STK24: variants seen among roughly 807,000 people sequenced by gnomAD.
STK24 encodes serine/threonine kinase 24, also known as serine/threonine-protein kinase 24.
Under a neutral mutation model 55.6 loss-of-function variants are expected in STK24, and 21 were observed. The ratio of observed to expected loss-of-function variants is 0.38; its 90% CI spans 0.27 to 0.54. The LOEUF is 0.54. STK24 is among the 20% of genes least tolerant of loss of function. The pLI, the probability that STK24 is intolerant of heterozygous loss-of-function variation, is 0.79. For missense variants in STK24, 383 were observed against 538.4 expected, an observed-to-expected ratio of 0.71 and a Z score of 2.86; for synonymous variants, 200 against 215.2, an observed-to-expected ratio of 0.93 and a Z score of 0.62.
chr13:98,536,165 G>T (rs1896730490), intron 1 of STK24, among the ~76,000 whole-genome samples: 1 of 152,130 alleles, frequency 6.6e-6, no homozygotes, highest in Admixed American at 6.5e-5. Context: ...AAATGTCACT[G>T]AGTGTTCTTT....
chr13:98,551,210 C>T (rs138710142), intron 1 of STK24, among the ~76,000 whole-genome samples: 1,578 of 151,314 alleles, frequency 0.01, 27 homozygotes, highest in African/African-American at 0.035. Flanking sequence ...GGCGTGAACC[C>T]GGGAGGCGGA....
At chr13:98,484,190 C>T (rs1407499179) in intron 2 of STK24, among the ~76,000 whole-genome samples, 1 of 152,176 alleles carries the variant, frequency 6.6e-6, no homozygotes, top group Non-Finnish European at 1.5e-5. Flanking sequence ...CACACACGCT[C>T]GCCTGCAGGC....
intron 2 of STK24, among the ~76,000 whole-genome samples, chr13:98,497,119 G>A (rs1594612377): frequency 2.0e-5 from 3 of 152,194 alleles, no homozygotes; most frequent in Non-Finnish European, 2.9e-5. Flanking sequence ...CCCACTCTTC[G>A]GCACACCTCT....
rs1297603474 is a variant in STK24 at position 98,452,921 on chromosome 13, A to T, written c.*252T>A. On this transcript the variant is annotated 3_prime_UTR_variant, in exon 11 of 11. Coordinates refer to ENST00000539966, the MANE Select transcript of STK24 (RefSeq NM_001032296.4). The stretch of plus-strand genomic sequence containing the variant: ...GAATATGTGCACTATGGTTAAAATT[A>T]AAAACAAAAGTAATAAAATAAAATA... The T allele has an allele frequency of 2.4e-6, 1 of 415,548 alleles. No individual in the cohort carries two copies. The highest frequency in any genetic ancestry group is 4.2e-6 in the Non-Finnish European group (1 of 235,358). 25.7% of individuals were successfully genotyped at this position (415,548 alleles called of 1,614,324 possible).
intron 5 of STK24, among the ~76,000 whole-genome samples, chr13:98,468,969 A>G (rs1894031830): frequency 6.6e-6 from 1 of 152,134 alleles, no homozygotes; most frequent in Non-Finnish European, 1.5e-5. Flanking sequence ...AACCAGCTAA[A>G]CACACTCGGT....
rs968724553 is a variant in STK24, at chr13:98,452,937, A to C, written c.*236T>G. 2 of 432,064 alleles carry C rather than the reference A, an allele frequency of 4.6e-6. No individual in the cohort carries two copies. The highest frequency in any genetic ancestry group is 8.2e-6 in the Non-Finnish European group (2 of 245,058). 26.8% of individuals were successfully genotyped at this position (432,064 alleles called of 1,614,324 possible). A position where few individuals can be genotyped will look rare whatever the true frequency, so the allele number is the denominator to read the frequency against. ...GTTAAAATTAAAAACAAAAGTAATA[A>C]AATAAAATAAAATGATCGCTGGAAG... On this transcript the variant is annotated 3_prime_UTR_variant, in exon 11 of 11. Coordinates refer to ENST00000539966, the MANE Select transcript of STK24 (RefSeq NM_001032296.4).
chr13:98,513,801 G>A lies in STK24; in HGVS notation c.273+5442C>T, dbSNP rs566088151. 7.9e-5 allele frequency among the ~76,000 whole-genome samples: 12 copies of A among 152,310 alleles called. No individual in the cohort carries two copies. In the East Asian group the frequency reaches 2.3e-3, roughly 29 times the overall value. On this transcript the variant is annotated intron_variant, in intron 2 of 10. Coordinates refer to ENST00000539966, the MANE Select transcript of STK24 (RefSeq NM_001032296.4). Reference sequence around the variant, plus strand: ...AAGGAGCAAAGACATGAATGAGAAAGACACTGTGTGCTTTGATGAGAATTT... The same window carrying A: ...AAGGAGCAAAGACATGAATGAGAAAAACACTGTGTGCTTTGATGAGAATTT...
intron 2 of STK24, among the ~76,000 whole-genome samples, chr13:98,482,705 C>G (rs1360435334): frequency 1.3e-5 from 2 of 152,238 alleles, no homozygotes; most frequent in Non-Finnish European, 2.9e-5. Flanking sequence ...TGGTGTCACA[C>G]ACATCGGGAG....
chr13:98,547,150 G>A (rs1486403770), intron 1 of STK24, among the ~76,000 whole-genome samples: 1 of 152,122 alleles, frequency 6.6e-6, no homozygotes, highest in African/African-American at 2.4e-5. Flanking sequence ...CTGACCTCGT[G>A]ATCCACCCGC....
chr13:98,498,332 C>T (rs965583425), intron 2 of STK24, among the ~76,000 whole-genome samples: 2 of 152,226 alleles, frequency 1.3e-5, no homozygotes, highest in Non-Finnish European at 2.9e-5. Flanking sequence ...AATTCAAATG[C>T]TCAGCTCAAG....
At chr13:98,491,714 G>T (rs1225285867) in intron 2 of STK24, among the ~76,000 whole-genome samples, 15 of 146,672 alleles carry the variant, frequency 1.0e-4, no homozygotes, top group Non-Finnish European at 1.5e-5. Context: ...AAAATACTAA[G>T]TGTTCAATCC....
At chr13:98,469,544 CAAA>C (rs56157936) in intron 5 of STK24, among the ~76,000 whole-genome samples, 1 of 148,638 alleles carries the variant, frequency 6.7e-6, no homozygotes, top group Non-Finnish European at 1.5e-5. Flanking sequence ...TCCCCCCCCC[CAAA>C]AAAAAAAGGC....
In STK24 at chr13:98,529,845, G is replaced by T. The variant is rs560639744; in HGVS notation, c.43-10372C>A. ...TCCTAGGTCTAAGAAATGATGCTGG[G>T]AACTACAGAGGCAAGATCATGGCTA... On this transcript the variant is annotated intron_variant, in intron 1 of 10. Transcript: ENST00000539966. Among the ~76,000 whole-genome samples the T allele has an allele frequency of 7.9e-5, 12 of 152,200 alleles. No homozygotes were observed. The South Asian group carries it at 2.1e-3, about 26-fold the overall frequency.
chr13:98,459,869 G>T (rs1219514527), intron 9 of STK24, among the ~76,000 whole-genome samples: 1 of 152,214 alleles, frequency 6.6e-6, no homozygotes, highest in Non-Finnish European at 1.5e-5. Flanking sequence ...ACGGCCACGG[G>T]AGCACTTTCC....
chr13:98,460,328 T>C (rs1339778337), intron 9 of STK24, 44 bp downstream of exon 9: 2 of 1,554,162 alleles, frequency 1.3e-6, no homozygotes, highest in South Asian at 2.3e-5. Flanking sequence ...CAGCTTCTCC[T>C]TCCCCCTCCC....
rs572091622 is a variant in STK24 at position 98,450,852 on chromosome 13, A to G, written c.*2321T>C. On this transcript the variant is annotated 3_prime_UTR_variant, in exon 11 of 11. Coordinates refer to ENST00000539966, the MANE Select transcript of STK24 (RefSeq NM_001032296.4). ...CCTTGGCTAAGATGCCCTTAAAAAC[A>G]TTGGGGCTGATTTTGTGCGTCTACA... 1.3e-5 allele frequency: 2 copies of G among 152,248 alleles called. No individual in the cohort carries two copies. Among genetic ancestry groups the G allele is most frequent in the Non-Finnish European group, 2.9e-5 (2 of 68,054 alleles). The allele number at this position is 152,248 out of a possible 1,614,324, so 9.4% of individuals were successfully genotyped here.
At chr13:98,513,755 G>A (rs1594628354) in intron 2 of STK24, among the ~76,000 whole-genome samples, 1 of 152,166 alleles carries the variant, frequency 6.6e-6, no homozygotes, top group African/African-American at 2.4e-5. Context: ...CAATGAAAGC[G>A]CGGCTGGGAC....
intron 3 of STK24, among the ~76,000 whole-genome samples, chr13:98,481,834 G>A (rs1894593816): frequency 6.6e-6 from 1 of 152,122 alleles, no homozygotes; most frequent in Non-Finnish European, 1.5e-5. Flanking sequence ...GATCACTCGA[G>A]GTCAGGAGTT....
At chr13:98,536,453 C>T (rs1896738751) in intron 1 of STK24, among the ~76,000 whole-genome samples, 1 of 151,958 alleles carries the variant, frequency 6.6e-6, no homozygotes, top group Non-Finnish European at 1.5e-5. Flanking sequence ...CAGCCTCAAA[C>T]TCCTGGGTTC....
Sources: gnomAD v4.1 joint callset for allele counts (sites outside exome capture counted in the v4.1 genomes callset) on GRCh38, gnomAD v4.1.1 for gene constraint, MANE v1.5 for transcripts, NCBI Gene and HGNC (gene_info 2026-07-23, HGNC 2026-07-21) for gene names.